Variants in ANO2 observed in about 807,000 individuals in gnomAD.
ANO2 encodes the protein anoctamin 2.
Under a neutral mutation model 124.2 loss-of-function variants are expected in ANO2, and 101 were observed. That is an observed-to-expected ratio of 0.81 (90% CI 0.69 to 0.96). ANO2 has a LOEUF of 0.96. Among genes scored for constraint, ANO2 ranks in the 40% least tolerant of loss-of-function variants. The pLI is 0.00. For synonymous variants in ANO2, 486 were observed against 482.5 expected (o/e 1.01, Z -0.09); for missense variants, 1,293 against 1,274.5 (o/e 1.01, Z -0.22).
At chr12:5,678,644 T>C (rs1294923866) in intron 14 of ANO2, among the ~76,000 whole-genome samples, 1 of 152,170 alleles carries the variant, frequency 6.6e-6, no homozygotes, top group Non-Finnish European at 1.5e-5. Flanking sequence ...TTGCAATTGG[T>C]GAAGTAAACA....
intron 20 of ANO2, among the ~76,000 whole-genome samples, chr12:5,595,333 T>C (rs1002191673): frequency 2.6e-5 from 4 of 152,280 alleles, no homozygotes; most frequent in African/African-American, 4.8e-5. Context: ...CCCAAGTAGC[T>C]AGGACTATAG....
intron 3 of ANO2, among the ~76,000 whole-genome samples, chr12:5,865,971 C>T (rs995843954): frequency 1.3e-5 from 2 of 152,210 alleles, no homozygotes; most frequent in South Asian, 2.1e-4. Flanking sequence ...CTTTCACTCA[C>T]CAATAGTTGC....
intron 3 of ANO2, among the ~76,000 whole-genome samples, chr12:5,919,966 G>A (rs1429566911): frequency 6.6e-6 from 1 of 151,760 alleles, no homozygotes; most frequent in East Asian, 1.9e-4. Context: ...CAAAGTGCTG[G>A]GATTACAGGC....
chr12:5,899,715 A>G (rs576595194), intron 3 of ANO2, among the ~76,000 whole-genome samples: 55 of 152,346 alleles, frequency 3.6e-4, no homozygotes, highest in Non-Finnish European at 6.5e-4. Flanking sequence ...CGGATTCCAG[A>G]TAACTGTTCT....
chr12:5,665,726 C>G (rs1947674530), intron 14 of ANO2, among the ~76,000 whole-genome samples: 1 of 149,486 alleles, frequency 6.7e-6, no homozygotes, highest in Non-Finnish European at 1.5e-5. Flanking sequence ...ACCCCCACCC[C>G]CACCCAGGGA....
At chr12:5,577,842 G>C in intron 22 of ANO2, 113 bp downstream of exon 22, 1 of 1,074,520 alleles carries the variant, frequency 9.3e-7, no homozygotes, top group Admixed American at 2.3e-5. Context: ...CACCAATAAA[G>C]CTACAAATGG....
intron 14 of ANO2, among the ~76,000 whole-genome samples, chr12:5,711,522 A>C (rs1289809587): frequency 1.3e-5 from 2 of 152,200 alleles, no homozygotes; most frequent in Non-Finnish European, 2.9e-5. Flanking sequence ...CCTGTATGGC[A>C]ATGCAAAACT....
At chr12:5,770,344 T>C (rs538048040) in intron 10 of ANO2, among the ~76,000 whole-genome samples, 21 of 152,290 alleles carry the variant, frequency 1.4e-4, no homozygotes, top group Admixed American at 9.8e-4. Context: ...ACTTGACATT[T>C]CCCCGTGAGT....
intron 4 of ANO2, chr12:5,836,670 G>A (rs1474892598): frequency 6.5e-6 from 1 of 153,864 alleles, no homozygotes; most frequent in African/African-American, 2.4e-5. Flanking sequence ...ACTGCACCCA[G>A]ACACTGGCTG....
chr12:5,589,345 A>T (rs1943283836), intron 20 of ANO2, among the ~76,000 whole-genome samples: 1 of 151,916 alleles, frequency 6.6e-6, no homozygotes, highest in Non-Finnish European at 1.5e-5. Flanking sequence ...GTGGCAGGAG[A>T]GGGAGACAGG....
intron 14 of ANO2, among the ~76,000 whole-genome samples, chr12:5,731,050 C>T (rs998012968): frequency 2.0e-5 from 3 of 152,328 alleles, no homozygotes; most frequent in African/African-American, 7.2e-5. Context: ...TACACAATTC[C>T]GGTTCCTTGG....
chr12:5,799,620 T>C, intron 9 of ANO2, 49 bp from the exon 10 acceptor site: 1 of 1,552,204 alleles, frequency 6.4e-7, no homozygotes, highest in Non-Finnish European at 8.9e-7. Flanking sequence ...ATGGGAAACT[T>C]CACCTGATTT....
chr12:5,912,619 T>G (rs1449047577), intron 3 of ANO2, among the ~76,000 whole-genome samples: 1 of 152,140 alleles, frequency 6.6e-6, no homozygotes, highest in Non-Finnish European at 1.5e-5. Flanking sequence ...CCCTCTGAGA[T>G]CAAATCCAGC....
intron 7 of ANO2, among the ~76,000 whole-genome samples, chr12:5,810,072 C>T (rs1953338023): frequency 6.6e-6 from 1 of 152,220 alleles, no homozygotes; most frequent in South Asian, 2.1e-4. Context: ...TGTCCTGACT[C>T]AGATAACCAG....
chr12:5,760,078 A>G (rs922886993), intron 10 of ANO2, among the ~76,000 whole-genome samples: 2 of 152,156 alleles, frequency 1.3e-5, no homozygotes, highest in African/African-American at 4.8e-5. Flanking sequence ...TTTCTCAATC[A>G]CCATTTCTGA....
chr12:5,624,262 A>G (rs993877644), intron 16 of ANO2, among the ~76,000 whole-genome samples: 1 of 149,746 alleles, frequency 6.7e-6, no homozygotes, highest in Non-Finnish European at 1.5e-5. Flanking sequence ...GAGAGAGAGA[A>G]ACAGACAGAC....
At chr12:5,699,879 A>G (rs1275985486) in intron 14 of ANO2, among the ~76,000 whole-genome samples, 1 of 152,248 alleles carries the variant, frequency 6.6e-6, no homozygotes, top group Non-Finnish European at 1.5e-5. Flanking sequence ...CAATTCAACA[A>G]GAAGAGCTAA....
chr12:5,752,807 TTTTC>T (rs1250030860), intron 10 of ANO2, among the ~76,000 whole-genome samples: 1 of 152,178 alleles, frequency 6.6e-6, no homozygotes, highest in Non-Finnish European at 1.5e-5. Context: ...GTAGAAGCTT[TTTTC>T]CCCTGTTTTC....
intron 7 of ANO2, among the ~76,000 whole-genome samples, chr12:5,826,304 G>C (rs1953951339): frequency 6.6e-6 from 1 of 152,014 alleles, no homozygotes. Flanking sequence ...ACAATGGGTG[G>C]ATTCGTGATG....
Sources: allele counts gnomAD v4.1 joint callset (sites outside exome capture counted in the v4.1 genomes callset), GRCh38; gene constraint gnomAD v4.1.1; transcripts MANE v1.5; gene names NCBI Gene and HGNC (gene_info 2026-07-23, HGNC 2026-07-21).